TNFRSF13B: variants seen among roughly 807,000 people sequenced by gnomAD.
TNFRSF13B encodes the protein tumor necrosis factor receptor superfamily member 13B.
TNFRSF13B carries 34 observed loss-of-function variants against 24.0 expected under a neutral mutation model. The observed-to-expected ratio is 1.41, with a 90% CI of 1.08 to 1.88. The LOEUF (loss-of-function observed/expected upper bound fraction) is 1.88, where lower values mean the gene tolerates loss of function less well. TNFRSF13B is among the 40% of genes most tolerant of loss of function. The pLI is 0.00. For missense variants in TNFRSF13B, 415 were observed against 380.8 expected, an observed-to-expected ratio of 1.09 and a Z score of -0.75; for synonymous variants, 173 against 150.3, an observed-to-expected ratio of 1.15 and a Z score of -1.10.
intron 1 of TNFRSF13B, among the ~76,000 whole-genome samples, chr17:16,956,066 T>A (rs2087622795): frequency 6.6e-6 from 1 of 152,124 alleles, no homozygotes; most frequent in South Asian, 2.1e-4. Flanking sequence ...ACAGTATCCT[T>A]CTCTGGTCTG....
intron 1 of TNFRSF13B, among the ~76,000 whole-genome samples, chr17:16,964,337 C>CTTT (rs71355533): frequency 2.0e-3 from 163 of 79,822 alleles, no homozygotes; most frequent in African/African-American, 3.2e-3. Context: ...ATCTCCATGC[C>CTTT]TTTTTTTTTT....
chr17:16,962,187 C>T (rs994046492), intron 1 of TNFRSF13B, among the ~76,000 whole-genome samples: 7 of 152,124 alleles, frequency 4.6e-5, no homozygotes, highest in Non-Finnish European at 8.8e-5. Flanking sequence ...GTTACCAACT[C>T]CAGGGAAACA....
At chr17:16,945,980 C>T (rs575929517) in intron 3 of TNFRSF13B, among the ~76,000 whole-genome samples, 9 of 152,322 alleles carry the variant, frequency 5.9e-5, no homozygotes, top group African/African-American at 1.7e-4. Context: ...ATGAGATGGA[C>T]GCACCTGGCC....
intron 1 of TNFRSF13B, among the ~76,000 whole-genome samples, chr17:16,971,193 CA>C (rs1401521598): frequency 1.7e-4 from 26 of 151,832 alleles, no homozygotes; most frequent in Non-Finnish European, 3.2e-4. Flanking sequence ...ACTAAAAATA[CA>C]AAAAATTAGC....
At chr17:16,967,039 A>G (rs959397536) in intron 1 of TNFRSF13B, among the ~76,000 whole-genome samples, 4 of 152,014 alleles carry the variant, frequency 2.6e-5, no homozygotes, top group Non-Finnish European at 4.4e-5. Flanking sequence ...GGGTTTCACC[A>G]TGTTGGCCAG....
chr17:16,964,504 G>A (rs368854831), intron 1 of TNFRSF13B, among the ~76,000 whole-genome samples: 2 of 151,964 alleles, frequency 1.3e-5, no homozygotes, highest in African/African-American at 4.8e-5. Flanking sequence ...CCCTACACCC[G>A]GCTAATTTTT....
chr17:16,949,418 G>A (rs2087573056), intron 2 of TNFRSF13B, among the ~76,000 whole-genome samples: 1 of 152,126 alleles, frequency 6.6e-6, no homozygotes, highest in African/African-American at 2.4e-5. Flanking sequence ...AAGGAAAGAA[G>A]GGGAAAAGCC....
At chr17:16,961,303 G>C (rs1017872301) in intron 1 of TNFRSF13B, among the ~76,000 whole-genome samples, 9 of 152,158 alleles carry the variant, frequency 5.9e-5, no homozygotes, top group African/African-American at 2.2e-4. Context: ...CCAACATTCA[G>C]AACAGCATAT....
intron 4 of TNFRSF13B, 104 bp downstream of exon 4, chr17:16,940,222 G>A (rs2087499203): frequency 6.2e-7 from 1 of 1,608,704 alleles, no homozygotes; most frequent in Non-Finnish European, 8.5e-7. Context: ...ATGAGCCCTG[G>A]GCCTCTCCAC....
rs1005363979 is a variant in TNFRSF13B at position 16,939,253 on chromosome 17, GTCCCTCTC to G, written c.*286_*293del. 2.6e-6 allele frequency: 1 copy of G among 389,170 alleles called. No homozygotes were observed. 24.1% of individuals were successfully genotyped at this position (389,170 alleles called of 1,614,324 possible). On this transcript the variant is annotated 3_prime_UTR_variant, in exon 5 of 5. Transcript: ENST00000261652. The stretch of plus-strand genomic sequence containing the variant: ...CCGACCTCCTGCTCTATCTCTCTCT[GTCCCTCTC>G]TCCCTCTCTGTCTCTCTGCCTCTCT...
intron 1 of TNFRSF13B, among the ~76,000 whole-genome samples, chr17:16,970,709 A>G (rs2087737810): frequency 6.6e-6 from 1 of 152,218 alleles, no homozygotes; most frequent in Non-Finnish European, 1.5e-5. Context: ...AGCACCAGAC[A>G]GCTTCTGCCA....
intron 2 of TNFRSF13B, 119 bp downstream of exon 2, chr17:16,952,327 C>T (rs1316650007): frequency 1.9e-5 from 27 of 1,452,194 alleles, no homozygotes; most frequent in Non-Finnish European, 3.8e-6. Flanking sequence ...AGGTGCCACA[C>T]TGTACATCTC....
intron 3 of TNFRSF13B, among the ~76,000 whole-genome samples, chr17:16,945,189 A>G (rs1249132703): frequency 5.9e-5 from 9 of 151,798 alleles, no homozygotes; most frequent in African/African-American, 4.8e-5. Context: ...GGTAATGCCG[A>G]CCCCACTGGC....
In TNFRSF13B at chr17:16,946,501, C is replaced by T. The variant is rs961226918; in HGVS notation, c.445+2237G>A. Among the ~76,000 whole-genome samples, 16 of 152,118 alleles carry T rather than the reference C, an allele frequency of 1.1e-4. 1 individual carries two copies. Among genetic ancestry groups the T allele is most frequent in the African/African-American group, 3.9e-4 (16 of 41,426 alleles). On this transcript the variant is annotated intron_variant, in intron 3 of 4. Coordinates refer to ENST00000261652, the MANE Select transcript of TNFRSF13B (RefSeq NM_012452.3). ...CCCAGCTCAACAGGACCCTTCTTGCCATGTCCAAAGTGGCCATCTCCAGCC... is the reference window on the plus strand; with the variant it reads ...CCCAGCTCAACAGGACCCTTCTTGCTATGTCCAAAGTGGCCATCTCCAGCC...
chr17:16,956,165 G>A (rs2087623318), intron 1 of TNFRSF13B, among the ~76,000 whole-genome samples: 1 of 152,190 alleles, frequency 6.6e-6, no homozygotes, highest in South Asian at 2.1e-4. Flanking sequence ...CACACAACAA[G>A]GAATACATAC....
chr17:16,971,116 G>A (rs1049586146), intron 1 of TNFRSF13B, among the ~76,000 whole-genome samples: 3 of 152,226 alleles, frequency 2.0e-5, no homozygotes, highest in African/African-American at 7.2e-5. Flanking sequence ...GGGAGGCTGA[G>A]GCAGGTGGAT....
At chr17:16,949,131 A>C in intron 2 of TNFRSF13B, 148 bp from the exon 3 acceptor site, 1 of 1,030,854 alleles carries the variant, frequency 9.7e-7, no homozygotes, top group Non-Finnish European at 1.4e-6. Context: ...TTTACAATAT[A>C]CACATTGAAG....
At chr17:16,945,967 G>A (rs1018980670) in intron 3 of TNFRSF13B, among the ~76,000 whole-genome samples, 3 of 152,228 alleles carry the variant, frequency 2.0e-5, no homozygotes, top group Admixed American at 6.5e-5. Context: ...CTCCTGTATC[G>A]TCATGAGATG....
intron 3 of TNFRSF13B, among the ~76,000 whole-genome samples, chr17:16,947,180 G>T (rs577020840): frequency 6.6e-6 from 1 of 152,118 alleles, no homozygotes; most frequent in African/African-American, 2.4e-5. Flanking sequence ...ACCACAGGCC[G>T]ATATCCCTGA....
Sources: allele counts gnomAD v4.1 joint callset (sites outside exome capture counted in the v4.1 genomes callset), GRCh38; gene constraint gnomAD v4.1.1; transcripts MANE v1.5; gene names NCBI Gene and HGNC (gene_info 2026-07-23, HGNC 2026-07-21).